The following SLC38A7 variants were observed in gnomAD, a reference collection of about 807,000 sequenced individuals.
SLC38A7 encodes sodium-coupled neutral amino acid transporter 7.
A neutral mutation model predicts 50.1 loss-of-function variants in SLC38A7; 29 were observed. The observed-to-expected ratio is 0.58, with a 90% CI of 0.43 to 0.79. The LOEUF (loss-of-function observed/expected upper bound fraction) is 0.79, where lower values mean the gene tolerates loss of function less well. Ranked by LOEUF, SLC38A7 falls within the 30% of genes least tolerant of loss-of-function variation. SLC38A7 has a pLI of 0.00. For missense variants in SLC38A7, 483 were observed against 610.6 expected, an observed-to-expected ratio of 0.79 and a Z score of 2.20; for synonymous variants, 244 against 245.9, an observed-to-expected ratio of 0.99 and a Z score of 0.07.
intron 10 of SLC38A7, 114 bp downstream of exon 10, chr16:58,670,931 T>C (rs2044146562): frequency 9.1e-7 from 1 of 1,093,850 alleles, no homozygotes; most frequent in Admixed American, 2.0e-5. Context: ...GGTGATCAAT[T>C]AGTGCTGGTG....
chr16:58,677,769 C>T (rs2044301254), intron 5 of SLC38A7, among the ~76,000 whole-genome samples: 1 of 152,186 alleles, frequency 6.6e-6, no homozygotes, highest in Non-Finnish European at 1.5e-5. Context: ...GGGAGACCAT[C>T]CTCTGAGCCT....
chr16:58,678,265 A>C lies in SLC38A7; in HGVS notation c.611+68T>G. ...GTGGCATGGAGGAGCAGGGTTCCCC[A>C]GGAGCCCTTGGGTCTACAGCTGCCC... On this transcript the variant is annotated intron_variant, in intron 5 of 11. Coordinates refer to ENST00000219320, the MANE Select transcript of SLC38A7 (RefSeq NM_018231.3). This position sits in a 1 kb window ranked among gnomAD's most constrained non-coding sequence, Gnocchi z 4.0. 3 of 1,443,470 alleles carry C rather than the reference A, an allele frequency of 2.1e-6. No individual in the cohort carries two copies. Among genetic ancestry groups the C allele is most frequent in the South Asian group, 1.7e-5 (1 of 58,194 alleles). The allele number at this position is 1,443,470 out of a possible 1,614,324, so 89.4% of individuals were successfully genotyped here. A position where few individuals can be genotyped will look rare whatever the true frequency, so the allele number is the denominator to read the frequency against.
chr16:58,667,303 G>T lies in SLC38A7; in HGVS notation c.*82C>A. 1 of 1,394,378 alleles carries T rather than the reference G, an allele frequency of 7.2e-7. No homozygotes were observed. 86.4% of individuals were successfully genotyped at this position (1,394,378 alleles called of 1,614,324 possible). On this transcript the variant is annotated 3_prime_UTR_variant, in exon 12 of 12. Coordinates refer to ENST00000219320, the MANE Select transcript of SLC38A7 (RefSeq NM_018231.3). ...TCATCCCACCAGTTGGAATGATCGT[G>T]GACTAAGAATGGCCCCATAGCTCTA...
intron 11 of SLC38A7, among the ~76,000 whole-genome samples, chr16:58,668,713 C>CAAAAAAAAAAAAAAAAAAAAA (rs71155292): frequency 1.5e-4 from 5 of 33,754 alleles, no homozygotes; most frequent in African/African-American, 2.1e-4. Flanking sequence ...AACTCCATCT[C>CAAAAAAAAAAAAAAAAAAAAA]AAAAAAAAAA....
chr16:58,675,961 G>C lies in SLC38A7; in HGVS notation c.862C>G (p.Leu288Val). 6.2e-7 allele frequency: 1 copy of C among 1,612,948 alleles called. No homozygotes were observed. The highest frequency in any genetic ancestry group is 8.5e-7 in the Non-Finnish European group (1 of 1,179,576). Reference protein sequence around the residue: ...GVVTAAMVIALAVYMGTGICG... With the variant: ...GVVTAAMVIAVAVYMGTGICG... ...TCACCTGTCCCCATGTAGACAGCGA[G>C]GGCTATGACCATGGCAGCTGTCACC... The change falls in exon 8 of 12, where the codon CTC becomes GTC. Residue 288 changes from leucine (L) to valine (V), a missense_variant. Physicochemically the swap from Leu to Val is conservative, Grantham distance 32. Coordinates refer to ENST00000219320, the MANE Select transcript of SLC38A7 (RefSeq NM_018231.3).
At chr16:58,681,066 C>T (rs895393993) in intron 2 of SLC38A7, among the ~76,000 whole-genome samples, 1 of 152,168 alleles carries the variant, frequency 6.6e-6, no homozygotes, top group Non-Finnish European at 1.5e-5. Flanking sequence ...CTTTCCTGGG[C>T]TAGATTACAA....
intron 8 of SLC38A7, among the ~76,000 whole-genome samples, chr16:58,672,749 C>T (rs1054009139): frequency 2.0e-5 from 3 of 152,024 alleles, no homozygotes; most frequent in African/African-American, 2.4e-5. Context: ...TCGGCTCAAG[C>T]GATTCTCCCA....
chr16:58,676,057 G>C lies in SLC38A7; in HGVS notation c.769-3C>G. ...ACGGGCACACTGCTGACGTGGCACT[G>C]TCCAGGTGAAGGGCACCGTCATGGT... On this transcript the variant is annotated splice_region_variant and splice_polypyrimidine_tract_variant and intron_variant, in intron 7 of 11. Transcript: ENST00000219320. The C allele has an allele frequency of 1.2e-6, 2 of 1,612,148 alleles. No homozygotes were observed. Among genetic ancestry groups the C allele is most frequent in the Non-Finnish European group, 1.7e-6 (2 of 1,179,102 alleles).
In SLC38A7 at chr16:58,665,758, G is replaced by A. The variant is rs1296195188; in HGVS notation, c.*1627C>T. On this transcript the variant is annotated 3_prime_UTR_variant, in exon 12 of 12. Transcript: ENST00000219320. ...AATATAGTGGGGAGTAGGGTGGGAG[G>A]TGGGGAGATAGCCTATCTCTTCGCC... 1.3e-5 allele frequency: 2 copies of A among 152,234 alleles called. No individual in the cohort carries two copies. 9.4% of individuals were successfully genotyped at this position (152,234 alleles called of 1,614,324 possible). A position where few individuals can be genotyped will look rare whatever the true frequency, so the allele number is the denominator to read the frequency against.
At chr16:58,682,633 A>AC (rs200020164) in intron 2 of SLC38A7, among the ~76,000 whole-genome samples, 2 of 148,178 alleles carry the variant, frequency 1.3e-5, no homozygotes, top group East Asian at 2.0e-4. Context: ...CTAACTTTTA[A>AC]AATTTTTTTT....
At chr16:58,668,958 C>T (rs1408639750) in intron 11 of SLC38A7, among the ~76,000 whole-genome samples, 7 of 150,882 alleles carry the variant, frequency 4.6e-5, no homozygotes, top group African/African-American at 1.7e-4. Flanking sequence ...TTAGTAAAGA[C>T]GGGGTTTTGC....
At chr16:58,680,372 A>G (rs1337992535) in intron 2 of SLC38A7, 131 bp from the exon 3 acceptor site, 1 of 398,126 alleles carries the variant, frequency 2.5e-6, no homozygotes, top group African/African-American at 2.0e-5. Context: ...CAGACAGTGC[A>G]CTGGGTGCCA....
intron 8 of SLC38A7, among the ~76,000 whole-genome samples, chr16:58,674,561 C>T (rs1052029527): frequency 3.3e-5 from 5 of 152,170 alleles, no homozygotes; most frequent in African/African-American, 1.2e-4. Flanking sequence ...AGGTGTGAGC[C>T]ACTGTGACTG....
In SLC38A7 at chr16:58,683,668, G is replaced by A. The variant is rs78067264; in HGVS notation, c.-116+287C>T. ...CCAGAGCTGTGACCATCTCCTCCCC[G>A]CTGCTCACGTCACAGAGACAGAGGT... is the stretch of plus-strand genomic sequence containing the variant. On this transcript the variant is annotated intron_variant, in intron 2 of 11. Transcript: ENST00000219320. 3,104 of 152,312 alleles carry A rather than the reference G, an allele frequency of 0.02. 188 individuals carry two copies. In the East Asian group the frequency reaches 0.24, roughly 12 times the overall value. 9.4% of individuals were successfully genotyped at this position (152,312 alleles called of 1,614,324 possible). A position where few individuals can be genotyped will look rare whatever the true frequency, so the allele number is the denominator to read the frequency against.
chr16:58,684,699 C>G lies in SLC38A7; in HGVS notation c.-340+18G>C, dbSNP rs1239174291. 1 of 152,340 alleles carries G rather than the reference C, an allele frequency of 6.6e-6. No homozygotes were observed. The highest frequency in any genetic ancestry group is 1.5e-5 in the Non-Finnish European group (1 of 68,128). The allele number at this position is 152,340 out of a possible 1,614,324, so 9.4% of individuals were successfully genotyped here. A position where few individuals can be genotyped will look rare whatever the true frequency, so the allele number is the denominator to read the frequency against. On this transcript the variant is annotated intron_variant, in intron 1 of 11. Transcript: ENST00000219320. ...ATCTAACACTTCCACCCTCCAGAGC[C>G]TGTCTCCGGCCACCTACCTTGGGGG...
Position 58,667,371 on chromosome 16 carries a change from C to G in SLC38A7, c.*14G>C. Reference sequence around the variant, plus strand: ...ACCAATGGCAAAGGCCTTGTGTTCCCTGGGAGGCAGTGGTTATGCCAAGAG... The same window carrying G: ...ACCAATGGCAAAGGCCTTGTGTTCCGTGGGAGGCAGTGGTTATGCCAAGAG... On this transcript the variant is annotated 3_prime_UTR_variant, in exon 12 of 12. Transcript: ENST00000219320. 1 of 1,613,736 alleles carries G rather than the reference C, an allele frequency of 6.2e-7. No individual in the cohort carries two copies. Among genetic ancestry groups the G allele is most frequent in the Non-Finnish European group, 8.5e-7 (1 of 1,179,788 alleles).
chr16:58,669,561 G>C (rs2044117740), intron 11 of SLC38A7, among the ~76,000 whole-genome samples: 1 of 152,124 alleles, frequency 6.6e-6, no homozygotes, highest in Admixed American at 6.6e-5. Flanking sequence ...GAAAGGATGT[G>C]GGGGCGAGTG....
chr16:58,676,474 G>C, intron 6 of SLC38A7, 128 bp from the exon 7 acceptor site: 1 of 939,252 alleles, frequency 1.1e-6, no homozygotes, highest in Non-Finnish European at 1.7e-6. Context: ...TCAACCCACA[G>C]AAGTCTGGGA....
At position 58,672,361 on chromosome 16, in the gene SLC38A7, C is replaced by T. The variant is rs1597667146; in HGVS notation, c.884-118G>A. The stretch of plus-strand genomic sequence containing the variant: ...GCAGCAGCAGCTCTGGACACTTAGA[C>T]GGAGGCTCAGAGTGGGAGATGGGGC... On this transcript the variant is annotated intron_variant, in intron 8 of 11. Coordinates refer to ENST00000219320, the MANE Select transcript of SLC38A7 (RefSeq NM_018231.3). 8 of 1,135,604 alleles carry T rather than the reference C, an allele frequency of 7.0e-6. No individual in the cohort carries two copies. In the South Asian group the frequency reaches 8.3e-5, roughly 12 times the overall value. 70.3% of individuals were successfully genotyped at this position (1,135,604 alleles called of 1,614,324 possible).
Sources: allele counts gnomAD v4.1 joint callset (sites outside exome capture counted in the v4.1 genomes callset), GRCh38; gene constraint gnomAD v4.1.1; non-coding constraint Gnocchi (gnomAD v3.1); transcripts MANE v1.5; gene names NCBI Gene and HGNC (gene_info 2026-07-23, HGNC 2026-07-21).